KIRREL3: variants seen among roughly 807,000 people sequenced by gnomAD.
KIRREL3 encodes the protein kin of IRRE-like protein 3.
A neutral mutation model predicts 89.7 loss-of-function variants in KIRREL3; 36 were observed. That is an observed-to-expected ratio of 0.40 (90% CI 0.31 to 0.53). The LOEUF (loss-of-function observed/expected upper bound fraction) is 0.53. Among genes scored for constraint, KIRREL3 ranks in the 20% least tolerant of loss-of-function variants. KIRREL3 has a pLI of 0.49. For synonymous variants in KIRREL3, 445 were observed against 441.4 expected, an observed-to-expected ratio of 1.01 and a Z score of -0.10; for missense variants, 864 against 1,056.6, an observed-to-expected ratio of 0.82 and a Z score of 2.53.
Position 126,912,259 on chromosome 11 carries a change from C to CA in KIRREL3, c.55+88195dup, listed in dbSNP as rs1295083942. 6.6e-6 allele frequency among the ~76,000 whole-genome samples: 1 copy of CA among 152,132 alleles called. No homozygotes were observed. ...GAGATGTGCAGATACCCTTCACCTT[C>CA]AAGCAGGCTAAACCGGCCGAGAGTG... On this transcript the variant is annotated intron_variant, in intron 1 of 16. Coordinates refer to ENST00000525144, the MANE Select transcript of KIRREL3 (RefSeq NM_032531.4). This position sits in a 1 kb window ranked among gnomAD's most constrained non-coding sequence, Gnocchi z 4.7.
intron 1 of KIRREL3, among the ~76,000 whole-genome samples, chr11:126,804,312 T>C (rs530860423): frequency 1.3e-4 from 20 of 152,308 alleles, no homozygotes; most frequent in Admixed American, 1.2e-3. Context: ...GAAGATGACC[T>C]TTTCCTGGCA....
chr11:126,539,353 A>C (rs1176419272), intron 2 of KIRREL3, among the ~76,000 whole-genome samples: 8 of 152,134 alleles, frequency 5.3e-5, no homozygotes, highest in African/African-American at 1.9e-4. Context: ...GGGCCCTTGA[A>C]CGTGTGCCAA....
intron 1 of KIRREL3, among the ~76,000 whole-genome samples, chr11:126,869,739 A>G (rs997963477): frequency 6.6e-6 from 1 of 152,134 alleles, no homozygotes; most frequent in Non-Finnish European, 1.5e-5. Context: ...GTCCTGGAAA[A>G]CAGGGGCCTT....
intron 1 of KIRREL3, among the ~76,000 whole-genome samples, chr11:126,929,081 G>A (rs1384993760): frequency 3.9e-5 from 6 of 152,210 alleles, no homozygotes; most frequent in Non-Finnish European, 8.8e-5. Flanking sequence ...GACGTCGGCA[G>A]GGAGCTGGGT....
chr11:126,629,645 G>T (rs534688936), intron 1 of KIRREL3, among the ~76,000 whole-genome samples: 1 of 152,300 alleles, frequency 6.6e-6, no homozygotes, highest in African/African-American at 2.4e-5. Flanking sequence ...CTTGCTATAG[G>T]CTTCAGATTG....
Position 126,708,906 on chromosome 11 carries a change from C to A in KIRREL3, c.56-145994G>T, listed in dbSNP as rs1947646926. On this transcript the variant is annotated intron_variant, in intron 1 of 16. Transcript: ENST00000525144. The surrounding 1 kb of genome is among the most constrained non-coding windows in gnomAD (Gnocchi z 5.7). ...CTCATATCCAAACTGTCATTAAACTCAGTGTTTCTTCCTTCAGGCTGTTTC... is the reference window on the plus strand; with the variant it reads ...CTCATATCCAAACTGTCATTAAACTAAGTGTTTCTTCCTTCAGGCTGTTTC... Among the ~76,000 whole-genome samples the A allele has an allele frequency of 6.6e-6, 1 of 152,166 alleles. No homozygotes were observed. Among genetic ancestry groups the A allele is most frequent in the African/African-American group, 2.4e-5 (1 of 41,436 alleles).
At position 126,444,990 on chromosome 11, in the gene KIRREL3, A is replaced by G; in HGVS notation, c.1241T>C (p.Leu414Pro). Residue 414 changes from leucine (L) to proline (P), a missense_variant, in exon 10 of 17, where the codon CTG (leucine) becomes CCG (proline). Transcript: ENST00000525144. ...AGCGAGGGTCTTACCATTGACGGTC[A>G]GGGTCACCTCTCTCTCCCCGGCTCC... Reference protein sequence around the residue: ...RVGAGEREVTLTVNGPPIISS... With the variant: ...RVGAGEREVTPTVNGPPIISS... The G allele has an allele frequency of 6.2e-7, 1 of 1,613,760 alleles. No individual in the cohort carries two copies.
At position 126,999,810 on chromosome 11, in the gene KIRREL3, G is replaced by C. The variant is rs1234583686; in HGVS notation, c.55+645C>G. On this transcript the variant is annotated intron_variant, in intron 1 of 16. Transcript: ENST00000525144. The surrounding 1 kb of genome is among the most constrained non-coding windows in gnomAD (Gnocchi z 5.7). The stretch of plus-strand genomic sequence containing the variant: ...GCAGAAAGGAAACCATCAGCACCAC[G>C]GGCGAAATTTCATTTTATACCCTGA... Among the ~76,000 whole-genome samples the C allele has an allele frequency of 6.6e-6, 1 of 152,118 alleles. No individual in the cohort carries two copies. The highest frequency in any genetic ancestry group is 6.5e-5 in the Admixed American group (1 of 15,282).
intron 6 of KIRREL3, among the ~76,000 whole-genome samples, chr11:126,458,544 G>T (rs898864403): frequency 2.6e-5 from 4 of 152,332 alleles, no homozygotes; most frequent in Admixed American, 2.0e-4. Context: ...CTAGTGCCAG[G>T]CACGGGAGCT....
In KIRREL3 at chr11:126,609,512, G is replaced by A. The variant is rs145362971; in HGVS notation, c.56-46600C>T. Among the ~76,000 whole-genome samples, 1,240 of 152,282 alleles carry A rather than the reference G, an allele frequency of 8.1e-3. 17 individuals are homozygous for A. The highest frequency in any genetic ancestry group is 0.028 in the African/African-American group (1,175 of 41,540). On this transcript the variant is annotated intron_variant, in intron 1 of 16. Coordinates refer to ENST00000525144, the MANE Select transcript of KIRREL3 (RefSeq NM_032531.4). The surrounding 1 kb of genome is among the most constrained non-coding windows in gnomAD (Gnocchi z 5.0). ...CGAGAGGCTTCGTGAAAGGTTAAGT[G>A]GGTGGGGGACCTGCTGGGAGAGAGG...
chr11:126,637,011 C>T (rs1245198179), intron 1 of KIRREL3, among the ~76,000 whole-genome samples: 2 of 152,172 alleles, frequency 1.3e-5, no homozygotes, highest in Non-Finnish European at 2.9e-5. Flanking sequence ...TACCTCCCTT[C>T]CTCCTCACTT....
chr11:126,529,189 G>A (rs1447344823), intron 2 of KIRREL3, among the ~76,000 whole-genome samples: 1 of 152,098 alleles, frequency 6.6e-6, no homozygotes, highest in Non-Finnish European at 1.5e-5. Context: ...GAGGGCCCCC[G>A]GGGAAGTGGG....
chr11:126,695,237 A>C (rs915463439), intron 1 of KIRREL3, among the ~76,000 whole-genome samples: 2 of 152,120 alleles, frequency 1.3e-5, no homozygotes, highest in Non-Finnish European at 2.9e-5. Context: ...TATCTGTGTG[A>C]TCAGAAGGTC....
rs989121516 is a variant in KIRREL3 at position 126,830,214 on chromosome 11, A to C, written c.55+170241T>G. ...TCTGGTCAATATTTATCATAGGTAC[A>C]TTTTACAAGATGAATTCTGTCACCA... On this transcript the variant is annotated intron_variant, in intron 1 of 16. Coordinates refer to ENST00000525144, the MANE Select transcript of KIRREL3 (RefSeq NM_032531.4). This position sits in a 1 kb window ranked among gnomAD's most constrained non-coding sequence, Gnocchi z 4.9. Among the ~76,000 whole-genome samples, 1 of 152,154 alleles carries C rather than the reference A, an allele frequency of 6.6e-6. No homozygotes were observed. Among genetic ancestry groups the C allele is most frequent in the African/African-American group, 2.4e-5 (1 of 41,450 alleles).
At chr11:126,957,669 G>C (rs764097464) in intron 1 of KIRREL3, among the ~76,000 whole-genome samples, 1 of 152,208 alleles carries the variant, frequency 6.6e-6, no homozygotes, top group Non-Finnish European at 1.5e-5. Context: ...GGTTGGACGT[G>C]TTGTAGGGAG....
At chr11:126,511,825 A>G (rs1208050483) in intron 4 of KIRREL3, among the ~76,000 whole-genome samples, 1 of 152,164 alleles carries the variant, frequency 6.6e-6, no homozygotes, top group Non-Finnish European at 1.5e-5. Flanking sequence ...TTTTAAATCC[A>G]TAATTTGCTG....
rs567203515 is a variant in KIRREL3, at chr11:126,871,848, C to T, written c.55+128607G>A. ...TTCATCAGGTCCTGAACACTGAAGA[C>T]ACCAGTGAACAAAGAAACCCCCAGT... On this transcript the variant is annotated intron_variant, in intron 1 of 16. Coordinates refer to ENST00000525144, the MANE Select transcript of KIRREL3 (RefSeq NM_032531.4). 9.5e-4 allele frequency among the ~76,000 whole-genome samples: 144 copies of T among 152,302 alleles called. 3 individuals carry two copies. The South Asian group carries it at 0.028, about 30-fold the overall frequency.
intron 1 of KIRREL3, among the ~76,000 whole-genome samples, chr11:126,661,624 G>A (rs1003596452): frequency 2.6e-5 from 4 of 152,188 alleles, no homozygotes; most frequent in Non-Finnish European, 5.9e-5. Flanking sequence ...AGATTTCCAG[G>A]ATGGATTTCT....
At chr11:126,804,944 G>A (rs1010001201) in intron 1 of KIRREL3, among the ~76,000 whole-genome samples, 1 of 152,152 alleles carries the variant, frequency 6.6e-6, no homozygotes, top group Non-Finnish European at 1.5e-5. Context: ...TAAGATCAGA[G>A]GGTGGATGAG....
Sources: allele counts gnomAD v4.1 joint callset (sites outside exome capture counted in the v4.1 genomes callset), GRCh38; gene constraint gnomAD v4.1.1; non-coding constraint Gnocchi (gnomAD v3.1); transcripts MANE v1.5; gene names NCBI Gene and HGNC (gene_info 2026-07-23, HGNC 2026-07-21).